Variants in TMEM182 observed in about 807,000 individuals in gnomAD.
TMEM182 encodes transmembrane protein 182.
TMEM182 carries 20 observed loss-of-function variants against 26.8 expected under a neutral mutation model. That is an observed-to-expected ratio of 0.75 (90% CI 0.53 to 1.09). TMEM182 has a LOEUF of 1.09. Ranked by LOEUF, TMEM182 falls within the 50% of genes least tolerant of loss-of-function variation. The pLI is 0.00. For missense variants in TMEM182, 277 were observed against 275.5 expected (o/e 1.01, Z -0.04); for synonymous variants, 109 against 102.2 (o/e 1.07, Z -0.40).
chr2:102,746,241 G>A (rs1679692117), intron 1 of TMEM182, among the ~76,000 whole-genome samples: 2 of 152,092 alleles, frequency 1.3e-5, no homozygotes, highest in Non-Finnish European at 2.9e-5. Flanking sequence ...ATCTTGTTGG[G>A]AGAAATACCA....
chr2:102,747,421 G>A (rs761033211), intron 1 of TMEM182, among the ~76,000 whole-genome samples: 19 of 152,166 alleles, frequency 1.2e-4, no homozygotes, highest in Non-Finnish European at 2.5e-4. Flanking sequence ...TTTAAATATA[G>A]GCATGATCAC....
rs571309358 is a variant in TMEM182 at position 102,767,939 on chromosome 2, G to A, written c.331+3512G>A. ...TATCTGTCCCCTTGCCCCAGGACCT[G>A]CCCTAAACTTCCCCAAATGCTGTTC... On this transcript the variant is annotated intron_variant, in intron 3 of 4. Coordinates refer to ENST00000412401, the MANE Select transcript of TMEM182 (RefSeq NM_144632.5). Among the ~76,000 whole-genome samples the A allele has an allele frequency of 3.3e-5, 5 of 152,120 alleles. No homozygotes were observed. The South Asian group carries it at 1.0e-3, about 32-fold the overall frequency.
At chr2:102,786,644 G>A (rs972165473) in intron 3 of TMEM182, among the ~76,000 whole-genome samples, 2 of 152,168 alleles carry the variant, frequency 1.3e-5, no homozygotes, top group East Asian at 3.9e-4. Flanking sequence ...TGACAGTGAG[G>A]TCAAGATCCT....
chr2:102,797,144 C>G (rs185910182), intron 3 of TMEM182, among the ~76,000 whole-genome samples: 116 of 152,246 alleles, frequency 7.6e-4, no homozygotes, highest in Admixed American at 4.4e-3. Context: ...CTTGCTTGTC[C>G]TTGACTCCTA....
At chr2:102,748,726 TTC>T (rs1234034072) in intron 1 of TMEM182, among the ~76,000 whole-genome samples, 2 of 152,240 alleles carry the variant, frequency 1.3e-5, no homozygotes, top group African/African-American at 2.4e-5. Flanking sequence ...TCTCGTCTTT[TTC>T]TCTGTCTTTT....
At chr2:102,808,012 C>G (rs1001578013) in intron 4 of TMEM182, among the ~76,000 whole-genome samples, 1 of 152,132 alleles carries the variant, frequency 6.6e-6, no homozygotes, top group African/African-American at 2.4e-5. Flanking sequence ...GGGCTAAAGT[C>G]AAATCATCCT....
intron 1 of TMEM182, 103 bp from the exon 2 acceptor site, chr2:102,762,484 A>T: frequency 6.6e-7 from 1 of 1,523,710 alleles, no homozygotes; most frequent in Admixed American, 1.9e-5. Flanking sequence ...ACTGAGCTTC[A>T]TTATTTGGGA....
Position 102,762,277 on chromosome 2 carries a change from CT to C in TMEM182, c.65del (p.Leu22TrpfsTer24). The C allele has an allele frequency of 1.2e-6, 2 of 1,613,938 alleles. No individual in the cohort carries two copies. Among genetic ancestry groups the C allele is most frequent in the South Asian group, 2.2e-5 (2 of 91,074 alleles). ...ALFGALGVLL[F>X]LVAFGSDYWL... ...TCTTTGGTGCTTTGGGGGTGTTACT[CT>C]TTTTGGTGGCTTTTGGATCGGATTA... On this transcript the variant is annotated frameshift_variant, in exon 1 of 5. Coordinates refer to ENST00000412401, the MANE Select transcript of TMEM182 (RefSeq NM_144632.5). LOFTEE classifies it high-confidence loss of function.
rs189680657 is a variant in TMEM182 at position 102,797,285 on chromosome 2, T to C, written c.332-578T>C. On this transcript the variant is annotated intron_variant, in intron 3 of 4. Coordinates refer to ENST00000412401, the MANE Select transcript of TMEM182 (RefSeq NM_144632.5). ...GCTAAACGAACTTCTTTTATGGTTT[T>C]GCTTGTCATTTTTTATTGCCTTAGA... 5.1e-4 allele frequency among the ~76,000 whole-genome samples: 78 copies of C among 152,338 alleles called. No homozygotes were observed. The East Asian group carries it at 0.014, about 27-fold the overall frequency.
At chr2:102,750,698 A>G (rs1156642924) in intron 1 of TMEM182, among the ~76,000 whole-genome samples, 2 of 152,204 alleles carry the variant, frequency 1.3e-5, no homozygotes, top group Non-Finnish European at 2.9e-5. Flanking sequence ...TGATGATTGC[A>G]TAGAACAGTG....
chr2:102,740,885 A>T (rs1045172736), intron 1 of TMEM182, among the ~76,000 whole-genome samples: 1 of 152,260 alleles, frequency 6.6e-6, no homozygotes, highest in African/African-American at 2.4e-5. Context: ...AGCAATAAAA[A>T]TAATGAACTC....
At chr2:102,772,360 A>G (rs780473904) in intron 3 of TMEM182, among the ~76,000 whole-genome samples, 2 of 152,170 alleles carry the variant, frequency 1.3e-5, no homozygotes, top group African/African-American at 2.4e-5. Flanking sequence ...ATAAACAATA[A>G]GTCAGTCAAG....
chr2:102,830,247 CA>C (rs763142945), intron 3 of TMEM182, among the ~76,000 whole-genome samples: 42 of 152,342 alleles, frequency 2.8e-4, no homozygotes, highest in Non-Finnish European at 2.1e-4. Context: ...CAAGTTTTGA[CA>C]ACCACTTCAT....
chr2:102,820,803 T>C (rs1400951759), downstream of TMEM182, among the ~76,000 whole-genome samples: 1 of 152,164 alleles, frequency 6.6e-6, no homozygotes, highest in African/African-American at 2.4e-5. Flanking sequence ...CATTATAGTA[T>C]ATTTTGAGGG....
intron 3 of TMEM182, chr2:102,775,095 A>G (rs1680853364): frequency 6.6e-6 from 1 of 152,156 alleles, no homozygotes; most frequent in African/African-American, 2.4e-5. Flanking sequence ...CAATCTTCTA[A>G]TTCATGGACA....
intron 3 of TMEM182, among the ~76,000 whole-genome samples, chr2:102,771,761 A>G (rs945516142): frequency 6.6e-6 from 1 of 152,170 alleles, no homozygotes; most frequent in Admixed American, 6.5e-5. Flanking sequence ...TGATGTGTAC[A>G]GCAGGATTTC....
intron 3 of TMEM182, among the ~76,000 whole-genome samples, chr2:102,793,876 C>G (rs1681751167): frequency 2.6e-5 from 4 of 152,122 alleles, no homozygotes; most frequent in Admixed American, 2.6e-4. Flanking sequence ...ACAAGACCCC[C>G]TGCTGTGCAG....
chr2:102,805,799 C>G (rs192193291), intron 4 of TMEM182, among the ~76,000 whole-genome samples: 2 of 152,216 alleles, frequency 1.3e-5, no homozygotes, highest in East Asian at 3.9e-4. Flanking sequence ...GTCCCAGCTA[C>G]TCGGGAGGCT....
chr2:102,817,192 T>A lies in TMEM182; in HGVS notation c.*2224T>A. ...ATATAGTACATTATTGTAGCAACCT[T>A]ATATCTGATTTGAGATACTGTGTTG... On this transcript the variant is annotated 3_prime_UTR_variant, in exon 5 of 5. Transcript: ENST00000412401. 2.0e-6 allele frequency: 2 copies of A among 985,374 alleles called. No homozygotes were observed. Among genetic ancestry groups the A allele is most frequent in the Non-Finnish European group, 2.4e-6 (2 of 829,860 alleles). The allele number at this position is 985,374 out of a possible 1,614,324, so 61.0% of individuals were successfully genotyped here.
Sources: gnomAD v4.1 joint callset for allele counts (sites outside exome capture counted in the v4.1 genomes callset) on GRCh38, gnomAD v4.1.1 for gene constraint, MANE v1.5 for transcripts, NCBI Gene and HGNC (gene_info 2026-07-23, HGNC 2026-07-21) for gene names.